Variants in KDM2B observed in about 807,000 individuals in gnomAD.
KDM2B encodes the protein lysine demethylase 2B, also known as lysine-specific demethylase 2B.
KDM2B carries 26 observed loss-of-function variants against 150.0 expected under a neutral mutation model. The observed-to-expected ratio is 0.17, with a 90% CI of 0.13 to 0.24. The LOEUF is 0.24. Among genes scored for constraint, KDM2B ranks in the 10% least tolerant of loss-of-function variants. The pLI is 1.00. For missense variants in KDM2B, 1,265 were observed against 1,816.9 expected, an observed-to-expected ratio of 0.70 and a Z score of 5.52; for synonymous variants, 734 against 729.5, an observed-to-expected ratio of 1.01 and a Z score of -0.10.
chr12:121,565,037 T>G (rs1555314615), intron 4 of KDM2B, among the ~76,000 whole-genome samples: 1 of 152,108 alleles, frequency 6.6e-6, no homozygotes, highest in Non-Finnish European at 1.5e-5. Context: ...TTCATCATGT[T>G]GCCTAGGCTG....
In KDM2B at chr12:121,549,060, C is replaced by G; in HGVS notation, c.577-77G>C. 1.7e-6 allele frequency: 2 copies of G among 1,204,798 alleles called. No homozygotes were observed. Among genetic ancestry groups the G allele is most frequent in the Non-Finnish European group, 2.4e-6 (2 of 821,586 alleles). The allele number at this position is 1,204,798 out of a possible 1,614,324, so 74.6% of individuals were successfully genotyped here. On this transcript the variant is annotated intron_variant, in intron 5 of 22. Coordinates refer to ENST00000377071, the MANE Select transcript of KDM2B (RefSeq NM_032590.5). This position sits in a 1 kb window ranked among gnomAD's most constrained non-coding sequence, Gnocchi z 4.4. ...ACAAATACCCCTTTCCCCGGAGAGTCCTTGGGCCCCCCCGCTCCCCCAATC... is the reference window on the plus strand; with the variant it reads ...ACAAATACCCCTTTCCCCGGAGAGTGCTTGGGCCCCCCCGCTCCCCCAATC...
intron 13 of KDM2B, among the ~76,000 whole-genome samples, chr12:121,447,949 G>A (rs139063713): frequency 0.02 from 3,052 of 151,932 alleles, 110 homozygotes; most frequent in African/African-American, 0.07. Context: ...TAGCCACCGC[G>A]CCCGGCCAAA....
intron 13 of KDM2B, among the ~76,000 whole-genome samples, chr12:121,446,021 C>G (rs1223240545): frequency 1.3e-5 from 2 of 152,062 alleles, no homozygotes; most frequent in African/African-American, 4.8e-5. Flanking sequence ...GCGGGTGAAA[C>G]TCCTGGCCCC....
intron 12 of KDM2B, among the ~76,000 whole-genome samples, chr12:121,462,597 G>A (rs1255174644): frequency 4.6e-5 from 7 of 151,870 alleles, no homozygotes; most frequent in African/African-American, 9.7e-5. Context: ...AGGTTCAAGC[G>A]ATTCTCTTAC....
intron 12 of KDM2B, among the ~76,000 whole-genome samples, chr12:121,482,494 G>T (rs1013566846): frequency 6.6e-6 from 1 of 151,906 alleles, no homozygotes; most frequent in African/African-American, 2.4e-5. Flanking sequence ...GTAGAGACAG[G>T]TTTCACCATG....
Position 121,443,776 on chromosome 12 carries a change from C to T in KDM2B, c.2469G>A (p.Thr823=), listed in dbSNP as rs782593298. 22 of 1,602,318 alleles carry T rather than the reference C, an allele frequency of 1.4e-5. No homozygotes were observed. The highest frequency in any genetic ancestry group is 3.3e-5 in the South Asian group (3 of 90,176). Residue 823 remains threonine, a synonymous_variant, in exon 17 of 23, where the codon ACG becomes ACA. Transcript: ENST00000377071. ...SGRKRASSLQ[T]SPGSSSHLSP... ...AGAGGTGAGAGGAGGAACCGGGGGA[C>T]GTTTGAAGCGATGAGGCCTAAAGGG...
At position 121,460,499 on chromosome 12, in the gene KDM2B, A is replaced by T. The variant is rs1456411130; in HGVS notation, c.1735-7155T>A. 2.6e-5 allele frequency among the ~76,000 whole-genome samples: 4 copies of T among 152,238 alleles called. No individual in the cohort carries two copies. In the East Asian group the frequency reaches 7.7e-4, roughly 29 times the overall value. ...CCGCAGCCTCGACTTCCCAGGGCTCAGGTGATCCTCCCACGTCAGCCTCCT... is the reference window on the plus strand; with the variant it reads ...CCGCAGCCTCGACTTCCCAGGGCTCTGGTGATCCTCCCACGTCAGCCTCCT... On this transcript the variant is annotated intron_variant, in intron 12 of 22. Coordinates refer to ENST00000377071, the MANE Select transcript of KDM2B (RefSeq NM_032590.5).
At chr12:121,460,617 A>AGGCTGGTC (rs1878974488) in intron 12 of KDM2B, among the ~76,000 whole-genome samples, 1 of 152,154 alleles carries the variant, frequency 6.6e-6, no homozygotes. Context: ...TATGTCACAC[A>AGGCTGGTC]GGCTGGTCTC....
chr12:121,420,274 A>AGAT, the KDM2B span: 1 of 1,604,366 alleles, frequency 6.2e-7, no homozygotes. Flanking sequence ...CAAACACAGA[A>AGAT]GATGATGATG....
At chr12:121,495,213 G>A (rs1555300756) in intron 11 of KDM2B, among the ~76,000 whole-genome samples, 1 of 151,536 alleles carries the variant, frequency 6.6e-6, no homozygotes, top group East Asian at 1.9e-4. Context: ...CCAGGCTGGA[G>A]TTCAGTGGCG....
chr12:121,547,466 T>C (rs1460678494), intron 6 of KDM2B, among the ~76,000 whole-genome samples: 6 of 152,142 alleles, frequency 3.9e-5, no homozygotes, highest in Admixed American at 1.3e-4. Flanking sequence ...CCGCACTCAC[T>C]ATGCACTGAA....
At chr12:121,523,550 C>A (rs538148485) in intron 8 of KDM2B, among the ~76,000 whole-genome samples, 1 of 152,260 alleles carries the variant, frequency 6.6e-6, no homozygotes, top group Non-Finnish European at 1.5e-5. Context: ...ATGAAACACG[C>A]CAGCCCTGAG....
rs561674906 is a variant in KDM2B, at chr12:121,540,301, G to A, written c.684-5711C>T. 3.9e-4 allele frequency among the ~76,000 whole-genome samples: 59 copies of A among 152,254 alleles called. No individual in the cohort carries two copies. The South Asian group carries it at 7.7e-3, about 20-fold the overall frequency. On this transcript the variant is annotated intron_variant, in intron 6 of 22. Coordinates refer to ENST00000377071, the MANE Select transcript of KDM2B (RefSeq NM_032590.5). Reference sequence around the variant, plus strand: ...ATGGCCCACAGCATCCTCCCTGTGCGGGGCCGGTTTCCCTATCTGACATAT... The same window carrying A: ...ATGGCCCACAGCATCCTCCCTGTGCAGGGCCGGTTTCCCTATCTGACATAT...
chr12:121,466,861 G>A (rs1880055188), intron 12 of KDM2B, among the ~76,000 whole-genome samples: 3 of 145,756 alleles, frequency 2.1e-5, no homozygotes, highest in Non-Finnish European at 4.6e-5. Context: ...GCCGTGGCCG[G>A]CGCCCGGCAG....
At chr12:121,439,739 C>T (rs1874661049) in intron 22 of KDM2B, 118 bp downstream of exon 22, 3 of 751,686 alleles carry the variant, frequency 4.0e-6, no homozygotes, top group East Asian at 2.7e-5. Flanking sequence ...TCTCAGTAAA[C>T]GAGACACCTA....
downstream of KDM2B, among the ~76,000 whole-genome samples, chr12:121,427,739 C>T (rs1566240224): frequency 6.6e-6 from 1 of 152,152 alleles, no homozygotes; most frequent in Non-Finnish European, 1.5e-5. Flanking sequence ...CTGGCAGCCC[C>T]TCCCTAGCAG....
At chr12:121,418,498 G>A in the KDM2B span, 1 of 152,378 alleles carries the variant, frequency 6.6e-6, no homozygotes, top group South Asian at 2.1e-4. Flanking sequence ...CTAAACTGCT[G>A]AAAGAAATGT....
the KDM2B span, among the ~76,000 whole-genome samples, chr12:121,410,581 T>A: frequency 4.1e-4 from 61 of 148,532 alleles, no homozygotes; most frequent in African/African-American, 1.2e-3. Context: ...AAAAAAAAAA[T>A]ACTTCAAATA....
intron 4 of KDM2B, among the ~76,000 whole-genome samples, chr12:121,568,718 G>C (rs1176075109): frequency 6.6e-6 from 1 of 152,088 alleles, no homozygotes; most frequent in African/African-American, 2.4e-5. Context: ...GGGATTCTGG[G>C]TACTGGTTAC....
Sources: gnomAD v4.1 joint callset for allele counts (sites outside exome capture counted in the v4.1 genomes callset) on GRCh38, gnomAD v4.1.1 for gene constraint, Gnocchi (gnomAD v3.1) non-coding constraint, MANE v1.5 for transcripts, NCBI Gene and HGNC (gene_info 2026-07-23, HGNC 2026-07-21) for gene names.